Variants in PPP3CB observed in about 807,000 individuals in gnomAD.
PPP3CB encodes the protein protein phosphatase 3 catalytic subunit beta, also known as serine/threonine-protein phosphatase 2B catalytic subunit beta isoform.
Under a neutral mutation model 66.4 loss-of-function variants are expected in PPP3CB, and 8 were observed. The observed-to-expected ratio is 0.12, with a 90% CI of 0.07 to 0.22. PPP3CB has a LOEUF of 0.22. PPP3CB is among the 10% of genes least tolerant of loss of function. The pLI is 1.00. For synonymous variants in PPP3CB, 208 were observed against 221.2 expected (o/e 0.94, Z 0.53); for missense variants, 319 against 642.5 (o/e 0.50, Z 5.44).
chr10:73,487,894 C>A (rs904400376), intron 1 of PPP3CB, among the ~76,000 whole-genome samples: 1 of 151,842 alleles, frequency 6.6e-6, no homozygotes, highest in African/African-American at 2.4e-5. Flanking sequence ...ATTCTCCCTA[C>A]CTCAGCCTCT....
chr10:73,473,159 T>C (rs775574645), intron 4 of PPP3CB, among the ~76,000 whole-genome samples: 1 of 152,198 alleles, frequency 6.6e-6, no homozygotes, highest in Non-Finnish European at 1.5e-5. Flanking sequence ...ATCTTACTCA[T>C]TTAGGTTAAC....
chr10:73,463,036 T>C (rs2056553306), intron 9 of PPP3CB, among the ~76,000 whole-genome samples: 2 of 147,954 alleles, frequency 1.4e-5, no homozygotes, highest in Non-Finnish European at 3.0e-5. Flanking sequence ...AGAACAGCAG[T>C]AACCTGAGTA....
chr10:73,479,205 G>A, intron 2 of PPP3CB, 112 bp downstream of exon 2: 2 of 990,328 alleles, frequency 2.0e-6, no homozygotes, highest in African/African-American at 1.6e-5. Flanking sequence ...TCAAGATAAT[G>A]TCCAAGTAAT....
chr10:73,452,073 T>A (rs77113703), intron 10 of PPP3CB, among the ~76,000 whole-genome samples: 22,874 of 151,470 alleles, frequency 0.15, 2,803 homozygotes, highest in African/African-American at 0.32. Flanking sequence ...AAAAAAAAAA[T>A]TTAAAAAACC....
chr10:73,460,112 G>C (rs1021488304), intron 9 of PPP3CB, among the ~76,000 whole-genome samples: 4 of 152,080 alleles, frequency 2.6e-5, no homozygotes, highest in Non-Finnish European at 5.9e-5. Context: ...AGGCTGAAGA[G>C]AAAGTAGGGA....
chr10:73,495,789 T>G lies in PPP3CB; in HGVS notation c.85+16A>C. 1.3e-6 allele frequency: 2 copies of G among 1,567,070 alleles called. No individual in the cohort carries two copies. The highest frequency in any genetic ancestry group is 1.7e-6 in the Non-Finnish European group (2 of 1,155,962). On this transcript the variant is annotated intron_variant, in intron 1 of 13. Transcript: ENST00000360663. ...GCTCTTCAGGCCAGGCCCCCAGGGT[T>G]TCGTCCACCTCTCACCTTTGACGAC... is the stretch of plus-strand genomic sequence containing the variant.
In PPP3CB at chr10:73,482,931, C is replaced by T. The variant is rs948700630; in HGVS notation, c.86-3414G>A. Among the ~76,000 whole-genome samples the T allele has an allele frequency of 1.1e-4, 16 of 152,050 alleles. 1 individual carries two copies. In the East Asian group the frequency reaches 3.1e-3, roughly 29 times the overall value. Reference sequence around the variant, plus strand: ...CTGTGCCTGGCCTAGATGATATATACTTCCTAACAACCAACAACATAATTC... The same window carrying T: ...CTGTGCCTGGCCTAGATGATATATATTTCCTAACAACCAACAACATAATTC... On this transcript the variant is annotated intron_variant, in intron 1 of 13. Coordinates refer to ENST00000360663, the MANE Select transcript of PPP3CB (RefSeq NM_021132.4).
At chr10:73,448,283 A>T (rs2056291672) in intron 10 of PPP3CB, among the ~76,000 whole-genome samples, 1 of 152,212 alleles carries the variant, frequency 6.6e-6, no homozygotes, top group Non-Finnish European at 1.5e-5. Flanking sequence ...ACAAATCAGG[A>T]TTTTAAATCA....
At chr10:73,470,994 AAT>A in intron 6 of PPP3CB, 30 bp from the exon 7 acceptor site, 2 of 1,607,894 alleles carry the variant, frequency 1.2e-6, no homozygotes, top group Non-Finnish European at 8.5e-7. Flanking sequence ...AATTAAGTAA[AAT>A]AATGGCTTTT....
intron 9 of PPP3CB, among the ~76,000 whole-genome samples, chr10:73,459,205 T>C (rs961616253): frequency 6.6e-6 from 1 of 150,974 alleles, no homozygotes; most frequent in South Asian, 2.1e-4. Context: ...AATGAAAACA[T>C]AGGCCGGGCA....
chr10:73,482,050 T>G (rs2056888231), intron 1 of PPP3CB, among the ~76,000 whole-genome samples: 1 of 152,168 alleles, frequency 6.6e-6, no homozygotes, highest in African/African-American at 2.4e-5. Context: ...AGAGTAATTG[T>G]TTAAAAAATA....
At chr10:73,493,991 A>G (rs1370615456) in intron 1 of PPP3CB, among the ~76,000 whole-genome samples, 1 of 152,180 alleles carries the variant, frequency 6.6e-6, no homozygotes, top group Non-Finnish European at 1.5e-5. Context: ...GCATAAACTC[A>G]TTGTTCAGGA....
chr10:73,476,432 C>T (rs1400724083), intron 3 of PPP3CB, among the ~76,000 whole-genome samples: 2 of 152,094 alleles, frequency 1.3e-5, no homozygotes, highest in Non-Finnish European at 2.9e-5. Flanking sequence ...GCTTGACCAA[C>T]ATGGCGAAAC....
At chr10:73,491,488 G>T (rs1450957894) in intron 1 of PPP3CB, among the ~76,000 whole-genome samples, 2 of 152,126 alleles carry the variant, frequency 1.3e-5, no homozygotes, top group African/African-American at 4.8e-5. Flanking sequence ...TTTTAGTATG[G>T]TTAACAGTAA....
chr10:73,495,858 G>A lies in PPP3CB; in HGVS notation c.32C>T (p.Pro11Leu), dbSNP rs1350196304. 4 of 1,434,584 alleles carry A rather than the reference G, an allele frequency of 2.8e-6. No individual in the cohort carries two copies. The highest frequency in any genetic ancestry group is 3.1e-5 in the East Asian group (1 of 32,236). 88.9% of individuals were successfully genotyped at this position (1,434,584 alleles called of 1,614,324 possible). Residue 11 changes from proline to leucine, a missense_variant, in exon 1 of 14, where the codon CCG becomes CTG. By Grantham distance (98) the Pro-to-Leu change is moderately conservative. Coordinates refer to ENST00000360663, the MANE Select transcript of PPP3CB (RefSeq NM_021132.4). MAAPEPARAA[P>L]PPPPPPPPPP... is the part of the protein sequence containing the mutation. ...GGGCGGCGGGGGCGGGGGTGGGGGCGGTGCAGCCCGGGCCGGCTCCGGGGC... is the reference window on the plus strand; with the variant it reads ...GGGCGGCGGGGGCGGGGGTGGGGGCAGTGCAGCCCGGGCCGGCTCCGGGGC...
chr10:73,467,510 T>A, intron 9 of PPP3CB, 43 bp downstream of exon 9: 1 of 1,390,590 alleles, frequency 7.2e-7, no homozygotes, highest in Non-Finnish European at 9.5e-7. Flanking sequence ...GGAGTAAATG[T>A]AACAGTAATA....
rs765614175 is a variant in PPP3CB, at chr10:73,479,426, C to T, written c.177G>A (p.Leu59=). The T allele has an allele frequency of 5.6e-6, 9 of 1,613,968 alleles. No homozygotes were observed. Among genetic ancestry groups the T allele is most frequent in the Middle Eastern group, 3.3e-4 (2 of 6,082 alleles). Residue 59 remains leucine, a synonymous_variant, in exon 2 of 14, where the codon TTG becomes TTA. Coordinates refer to ENST00000360663, the MANE Select transcript of PPP3CB (RefSeq NM_021132.4). ...IPRVDVLKNH[L]VKEGRVDEEI... is the part of the protein sequence containing the mutation. ...CTTCATCTACTCGACCTTCTTTCAC[C>T]AAGTGGTTCTTCAGAACATCAACCC...
chr10:73,451,187 CATA>C (rs1334375813), intron 10 of PPP3CB, among the ~76,000 whole-genome samples: 1 of 151,652 alleles, frequency 6.6e-6, no homozygotes, highest in Non-Finnish European at 1.5e-5. Context: ...TTGCAATACT[CATA>C]ATAACTTTTA....
In PPP3CB at chr10:73,436,506, A is replaced by G. The variant is rs991557534; in HGVS notation, c.*1736T>C. The G allele has an allele frequency of 5.0e-5, 7 of 139,450 alleles. No homozygotes were observed. The highest frequency in any genetic ancestry group is 2.3e-4 in the African/African-American group (7 of 30,060). 8.6% of individuals were successfully genotyped at this position (139,450 alleles called of 1,614,324 possible). A position where few individuals can be genotyped will look rare whatever the true frequency, so the allele number is the denominator to read the frequency against. ...TACCACTATAACAAAATTCTAGACA[A>G]TAACATATTTTCTTTCAATTAAAAG... On this transcript the variant is annotated 3_prime_UTR_variant, in exon 14 of 14. Transcript: ENST00000360663.
Sources: allele counts gnomAD v4.1 joint callset (sites outside exome capture counted in the v4.1 genomes callset), GRCh38; gene constraint gnomAD v4.1.1; transcripts MANE v1.5; gene names NCBI Gene and HGNC (gene_info 2026-07-23, HGNC 2026-07-21).